Variants in DLG2 observed in about 807,000 individuals in gnomAD.
DLG2 encodes the protein discs large MAGUK scaffold protein 2.
DLG2 carries 45 observed loss-of-function variants against 132.5 expected under a neutral mutation model. That is an observed-to-expected ratio of 0.34 (90% CI 0.27 to 0.44). The LOEUF (loss-of-function observed/expected upper bound fraction) is 0.44, where lower values mean the gene tolerates loss of function less well. Ranked by LOEUF, DLG2 falls within the 20% of genes least tolerant of loss-of-function variation. The probability of loss-of-function intolerance (pLI) is 1.00; values close to 1 mark genes in which losing one functional copy is unlikely to be tolerated. For missense variants in DLG2, 1,045 were observed against 1,196.9 expected (o/e 0.87, Z 1.87); for synonymous variants, 424 against 419.6 (o/e 1.01, Z -0.13).
At chr11:84,010,610 C>A (rs2094836882) in intron 11 of DLG2, among the ~76,000 whole-genome samples, 2 of 152,002 alleles carry the variant, frequency 1.3e-5, no homozygotes, top group Non-Finnish European at 2.9e-5. Context: ...CTGATGTGTG[C>A]ATTTTAATAA....
intron 3 of DLG2, chr11:85,452,990 T>A (rs991082467): frequency 5.0e-6 from 1 of 199,520 alleles, no homozygotes; most frequent in Non-Finnish European, 1.1e-5. Context: ...TCAAAGACAG[T>A]ATTTGAACCC....
At chr11:84,663,559 G>A (rs1017092597) in intron 6 of DLG2, among the ~76,000 whole-genome samples, 1 of 152,024 alleles carries the variant, frequency 6.6e-6, no homozygotes, top group East Asian at 1.9e-4. Flanking sequence ...AGGAACACAG[G>A]ATATTTATTT....
At chr11:85,622,758 A>G (rs879914878) in intron 2 of DLG2, among the ~76,000 whole-genome samples, 2 of 152,100 alleles carry the variant, frequency 1.3e-5, no homozygotes, top group Non-Finnish European at 2.9e-5. Flanking sequence ...ATATGGCAAT[A>G]TCATGTCTTA....
rs942019846 is a variant in DLG2 at position 83,455,836 on chromosome 11, G to A, written c.*3982C>T. 6.6e-6 allele frequency: 1 copy of A among 152,440 alleles called. No homozygotes were observed. Among genetic ancestry groups the A allele is most frequent in the Non-Finnish European group, 1.5e-5 (1 of 68,020 alleles). The allele number at this position is 152,440 out of a possible 1,614,324, so 9.4% of individuals were successfully genotyped here. ...CAGGAGGTACTCCACATGCTTCAAG[G>A]GAATTGATCTTTTTCCCTCTAGGAG... On this transcript the variant is annotated 3_prime_UTR_variant, in exon 28 of 28. Transcript: ENST00000376104.
rs1212752796 is a variant in DLG2, at chr11:84,639,854, G to A, written c.358-105123C>T. On this transcript the variant is annotated intron_variant, in intron 6 of 27. Transcript: ENST00000376104. Reference sequence around the variant, plus strand: ...CAGGCTGCTCAGCACACCTGTCTGAGTAGGCTTCCTCATCCCTCCAGACTG... The same window carrying A: ...CAGGCTGCTCAGCACACCTGTCTGAATAGGCTTCCTCATCCCTCCAGACTG... 4 of 173,848 alleles carry A rather than the reference G, an allele frequency of 2.3e-5. No individual in the cohort carries two copies. In the Admixed American group the frequency reaches 2.5e-4, roughly 11 times the overall value. The allele number at this position is 173,848 out of a possible 1,614,324, so 10.8% of individuals were successfully genotyped here.
intron 6 of DLG2, among the ~76,000 whole-genome samples, chr11:84,954,905 G>A (rs528436955): frequency 6.6e-6 from 1 of 152,188 alleles, no homozygotes; most frequent in African/African-American, 2.4e-5. Context: ...TGTCTCTTCT[G>A]TACTACACGA....
intron 6 of DLG2, chr11:84,720,324 T>C (rs1313838531): frequency 1.0e-6 from 1 of 985,384 alleles, no homozygotes; most frequent in East Asian, 1.1e-4. Flanking sequence ...CGATAAAGTG[T>C]TGTTGGTGCA....
intron 6 of DLG2, among the ~76,000 whole-genome samples, chr11:84,834,691 G>C (rs909804452): frequency 3.3e-5 from 5 of 150,942 alleles, no homozygotes; most frequent in Admixed American, 6.6e-5. Context: ...CATTTTGGAG[G>C]AATAAGTCAT....
chr11:85,151,788 G>C (rs2077270296), intron 5 of DLG2, among the ~76,000 whole-genome samples: 1 of 152,122 alleles, frequency 6.6e-6, no homozygotes, highest in Non-Finnish European at 1.5e-5. Context: ...GATTACTGTT[G>C]CTTTGTAGTA....
chr11:85,594,587 T>C (rs1453445481), intron 3 of DLG2, among the ~76,000 whole-genome samples: 2 of 152,206 alleles, frequency 1.3e-5, no homozygotes, highest in Non-Finnish European at 1.5e-5. Context: ...GTTATTTCCA[T>C]ACTTTATAAG....
At chr11:85,007,358 A>G (rs1029993466) in intron 6 of DLG2, among the ~76,000 whole-genome samples, 3 of 152,104 alleles carry the variant, frequency 2.0e-5, no homozygotes, top group Non-Finnish European at 2.9e-5. Context: ...CAAAAGTTTT[A>G]TGGATCAGAG....
chr11:84,040,196 T>C (rs2096023507), intron 11 of DLG2, among the ~76,000 whole-genome samples: 1 of 150,950 alleles, frequency 6.6e-6, no homozygotes, highest in Admixed American at 6.6e-5. Context: ...TGGTAGTTTC[T>C]TTTGCTGTGC....
At chr11:85,543,042 G>C (rs1416519909) in intron 3 of DLG2, among the ~76,000 whole-genome samples, 1 of 152,002 alleles carries the variant, frequency 6.6e-6, no homozygotes, top group Non-Finnish European at 1.5e-5. Context: ...GAACTTGCAG[G>C]TTTGTTACAT....
chr11:84,205,294 TG>T (rs550667449), intron 8 of DLG2, among the ~76,000 whole-genome samples: 32 of 152,292 alleles, frequency 2.1e-4, no homozygotes, highest in Non-Finnish European at 3.5e-4. Context: ...CAAATATATT[TG>T]GAGACTTTAA....
intron 6 of DLG2, among the ~76,000 whole-genome samples, chr11:84,651,148 A>T (rs2099681593): frequency 6.6e-6 from 1 of 151,640 alleles, no homozygotes; most frequent in South Asian, 2.1e-4. Flanking sequence ...CTTCCAGTTG[A>T]TATCTAACTC....
chr11:85,449,865 C>T (rs559335329), intron 3 of DLG2, among the ~76,000 whole-genome samples: 20 of 151,280 alleles, frequency 1.3e-4, no homozygotes, highest in African/African-American at 3.6e-4. Context: ...CAGTGGGTCA[C>T]GCCTGTAATC....
intron 21 of DLG2, among the ~76,000 whole-genome samples, chr11:83,530,349 A>C (rs538995796): frequency 6.6e-6 from 1 of 152,074 alleles, no homozygotes; most frequent in African/African-American, 2.4e-5. Context: ...CTCCCTTATG[A>C]TTCTAGAAAT....
At chr11:85,035,055 C>T (rs1380756362) in intron 6 of DLG2, among the ~76,000 whole-genome samples, 1 of 152,032 alleles carries the variant, frequency 6.6e-6, no homozygotes, top group East Asian at 1.9e-4. Context: ...ATACAGAGGT[C>T]AGTTTGTAAT....
At chr11:85,604,604 C>A (rs1319046880) in intron 2 of DLG2, among the ~76,000 whole-genome samples, 6 of 151,596 alleles carry the variant, frequency 4.0e-5, no homozygotes. Context: ...TCATTAAACT[C>A]TACCTTCATA....
Sources: gnomAD v4.1 joint callset for allele counts (sites outside exome capture counted in the v4.1 genomes callset) on GRCh38, gnomAD v4.1.1 for gene constraint, MANE v1.5 for transcripts, NCBI Gene and HGNC (gene_info 2026-07-23, HGNC 2026-07-21) for gene names.